Variants in SUPT3H observed in about 807,000 individuals in gnomAD.
The protein encoded by SUPT3H is transcription initiation protein SPT3 homolog.
Under a neutral mutation model 44.3 loss-of-function variants are expected in SUPT3H, and 44 were observed. That is an observed-to-expected ratio of 0.99 (90% CI 0.78 to 1.28). The LOEUF (loss-of-function observed/expected upper bound fraction) is 1.28, where lower values mean the gene tolerates loss of function less well. Among genes scored for constraint, SUPT3H ranks in the 50% most tolerant of loss-of-function variants. The pLI is 0.00. For missense variants in SUPT3H, 380 were observed against 387.1 expected, an observed-to-expected ratio of 0.98 and a Z score of 0.15; for synonymous variants, 124 against 125.6, an observed-to-expected ratio of 0.99 and a Z score of 0.09.
chr6:45,346,567 C>CTT lies in SUPT3H; in HGVS notation c.101+18632_101+18633dup, dbSNP rs71745024. On this transcript the variant is annotated intron_variant, in intron 2 of 10. Coordinates refer to ENST00000371459, the MANE Select transcript of SUPT3H (RefSeq NM_003599.4). ...TATAATAGGAATTCAATAAACATTT[C>CTT]TTTTTTTTTTTTTTTCTTGAGATAG... is the stretch of plus-strand genomic sequence containing the variant. Among the ~76,000 whole-genome samples the CTT allele has an allele frequency of 6.8e-3, 948 of 140,400 alleles. 16 individuals are homozygous for CTT. Among genetic ancestry groups the CTT allele is most frequent in the African/African-American group, 0.021 (779 of 37,942 alleles). The allele number at this position is 140,400 out of a possible 152,430, so 92.1% of individuals were successfully genotyped here.
In SUPT3H at chr6:45,233,852, CCTTT is replaced by C. The variant is rs561787220; in HGVS notation, c.102-127850_102-127847del. ...CAGCTACTCTAAAGGAAAATCTTTC[CCTTT>C]CTATTAACTCTTTTAGAACAGTATG... On this transcript the variant is annotated intron_variant, in intron 2 of 10. Transcript: ENST00000371459. 1.7e-3 allele frequency among the ~76,000 whole-genome samples: 257 copies of C among 152,264 alleles called. 3 individuals are homozygous for C. The highest frequency in any genetic ancestry group is 5.9e-3 in the African/African-American group (245 of 41,556).
intron 5 of SUPT3H, among the ~76,000 whole-genome samples, chr6:45,006,079 T>C (rs1306141997): frequency 6.6e-6 from 1 of 152,226 alleles, no homozygotes; most frequent in African/African-American, 2.4e-5. Context: ...CTATAAAATA[T>C]TCCTCTTTGT....
intron 2 of SUPT3H, among the ~76,000 whole-genome samples, chr6:45,340,767 CTT>C (rs1358394023): frequency 6.6e-6 from 1 of 151,902 alleles, no homozygotes; most frequent in South Asian, 2.1e-4. Flanking sequence ...AAATTAAACA[CTT>C]AAACACCAAG....
At position 44,919,072 on chromosome 6, in the gene SUPT3H, T is replaced by C. The variant is rs368046898; in HGVS notation, c.912+13581A>G. Among the ~76,000 whole-genome samples the C allele has an allele frequency of 1.1e-4, 17 of 152,296 alleles. No homozygotes were observed. In the East Asian group the frequency reaches 1.7e-3, roughly 16 times the overall value. On this transcript the variant is annotated intron_variant, in intron 10 of 10. Coordinates refer to ENST00000371459, the MANE Select transcript of SUPT3H (RefSeq NM_003599.4). ...TCAGTAAGGCTGGATTTCTGTTAAA[T>C]TGTACAAAAAGTGCTAACTCATCAT...
intron 2 of SUPT3H, among the ~76,000 whole-genome samples, chr6:45,249,579 T>C (rs1172486271): frequency 2.0e-5 from 3 of 152,146 alleles, no homozygotes; most frequent in Non-Finnish European, 4.4e-5. Context: ...CAAGAAGCTG[T>C]ATGCCACAGA....
chr6:44,810,601 T>TA (rs5875892), intron 11 of SUPT3H, among the ~76,000 whole-genome samples: 97,432 of 145,376 alleles, frequency 0.67, 32,878 homozygotes, highest in East Asian at 0.95. Flanking sequence ...AGCCTTTTAC[T>TA]AAAAAAAAAA....
In SUPT3H at chr6:44,988,869, C is replaced by T. The variant is rs73737807; in HGVS notation, c.504+14784G>A. Reference sequence around the variant, plus strand: ...TTCTTGGTACAAATTAAACAAATTACATTTTCTAGCTTAAATAAAGTGTGG... The same window carrying T: ...TTCTTGGTACAAATTAAACAAATTATATTTTCTAGCTTAAATAAAGTGTGG... On this transcript the variant is annotated intron_variant, in intron 6 of 10. Coordinates refer to ENST00000371459, the MANE Select transcript of SUPT3H (RefSeq NM_003599.4). Among the ~76,000 whole-genome samples the T allele has an allele frequency of 3.9e-3, 594 of 152,198 alleles. 7 individuals are homozygous for T. The highest frequency in any genetic ancestry group is 0.014 in the African/African-American group (565 of 41,554).
At chr6:45,332,155 T>C (rs1233312590) in intron 2 of SUPT3H, among the ~76,000 whole-genome samples, 4 of 151,938 alleles carry the variant, frequency 2.6e-5, no homozygotes, top group African/African-American at 9.7e-5. Context: ...ACACTGGTGG[T>C]CCTCAAGTAC....
rs1420505563 is a variant in SUPT3H at position 44,839,482 on chromosome 6, T to A, written c.913-9625A>T. On this transcript the variant is annotated intron_variant, in intron 10 of 10. Transcript: ENST00000371459. ...CACCACGCTCAGCTAATTAAAAAAA[T>A]TTTTTTTAGAGATGAGGGTCTCACT... 4.6e-5 allele frequency among the ~76,000 whole-genome samples: 7 copies of A among 151,522 alleles called. No individual in the cohort carries two copies. In the South Asian group the frequency reaches 8.4e-4, roughly 18 times the overall value.
intron 2 of SUPT3H, among the ~76,000 whole-genome samples, chr6:45,137,154 T>C (rs1804426043): frequency 6.6e-6 from 1 of 152,052 alleles, no homozygotes; most frequent in Admixed American, 6.6e-5. Context: ...CAAAACTATT[T>C]TTTAAAAATA....
chr6:45,130,308 C>A (rs1803231685), intron 2 of SUPT3H, among the ~76,000 whole-genome samples: 1 of 152,102 alleles, frequency 6.6e-6, no homozygotes, highest in African/African-American at 2.4e-5. Flanking sequence ...TTTTACTTAA[C>A]ATAATGTTTT....
At chr6:44,858,725 C>T (rs1322648334) in intron 10 of SUPT3H, among the ~76,000 whole-genome samples, 1 of 152,072 alleles carries the variant, frequency 6.6e-6, no homozygotes, top group East Asian at 1.9e-4. Flanking sequence ...TGACACGCAC[C>T]TGGAGAAGGA....
chr6:45,050,949 A>G (rs1370083418), intron 3 of SUPT3H, among the ~76,000 whole-genome samples: 5 of 130,990 alleles, frequency 3.8e-5, no homozygotes, highest in African/African-American at 1.4e-4. Flanking sequence ...CAGTGGCATG[A>G]TCTCGACTCA....
intron 9 of SUPT3H, among the ~76,000 whole-genome samples, chr6:44,950,867 ATACTT>A (rs1350920316): frequency 8.7e-6 from 1 of 114,810 alleles, no homozygotes; most frequent in African/African-American, 3.3e-5. Context: ...ATTTTTTATT[ATACTT>A]TAAGTTTTAG....
intron 2 of SUPT3H, among the ~76,000 whole-genome samples, chr6:45,316,218 T>A (rs887499173): frequency 1.2e-4 from 18 of 152,118 alleles, no homozygotes; most frequent in Admixed American, 1.1e-3. Flanking sequence ...ACAAATATGG[T>A]GCAGTGTATA....
At chr6:45,183,167 C>G (rs1291333928) in intron 2 of SUPT3H, among the ~76,000 whole-genome samples, 1 of 152,196 alleles carries the variant, frequency 6.6e-6, no homozygotes, top group Non-Finnish European at 1.5e-5. Context: ...AATGCTACAA[C>G]ATAAATGAAC....
intron 2 of SUPT3H, among the ~76,000 whole-genome samples, chr6:45,309,709 C>G (rs1009137779): frequency 1.3e-5 from 2 of 151,854 alleles, no homozygotes; most frequent in Non-Finnish European, 2.9e-5. Context: ...ACCAAACTGT[C>G]AGAAATCAAA....
intron 5 of SUPT3H, among the ~76,000 whole-genome samples, chr6:45,005,755 TTTA>T (rs1325312901): frequency 1.3e-5 from 2 of 152,116 alleles, no homozygotes; most frequent in Non-Finnish European, 2.9e-5. Context: ...CATTTTTTCT[TTTA>T]TAACTTTTGT....
chr6:44,942,141 A>T (rs1282362652), intron 9 of SUPT3H, among the ~76,000 whole-genome samples: 1 of 152,224 alleles, frequency 6.6e-6, no homozygotes, highest in Non-Finnish European at 1.5e-5. Context: ...TTATGTATAC[A>T]TATCACTAGG....
Sources: gnomAD v4.1 joint callset for allele counts (sites outside exome capture counted in the v4.1 genomes callset) on GRCh38, gnomAD v4.1.1 for gene constraint, MANE v1.5 for transcripts, NCBI Gene and HGNC (gene_info 2026-07-23, HGNC 2026-07-21) for gene names.